The following SEPTIN9 variants were observed in gnomAD, a reference collection of about 807,000 sequenced individuals.
SEPTIN9 encodes septin-9.
Under a neutral mutation model 56.6 loss-of-function variants are expected in SEPTIN9, and 13 were observed. The ratio of observed to expected loss-of-function variants is 0.23; its 90% CI spans 0.15 to 0.37. SEPTIN9 has a LOEUF of 0.37. Among genes scored for constraint, SEPTIN9 ranks in the 10% least tolerant of loss-of-function variants. The pLI is 1.00. For missense variants in SEPTIN9, 650 were observed against 823.1 expected, an observed-to-expected ratio of 0.79 and a Z score of 2.57; for synonymous variants, 332 against 334.1, an observed-to-expected ratio of 0.99 and a Z score of 0.07.
At chr17:77,478,369 C>A (rs2039309206) in intron 3 of SEPTIN9, among the ~76,000 whole-genome samples, 1 of 152,168 alleles carries the variant, frequency 6.6e-6, no homozygotes, top group South Asian at 2.1e-4. Context: ...CCCATAATTC[C>A]ACTTCTGGGT....
rs914824176 is a variant in SEPTIN9 at position 77,402,665 on chromosome 17, A to G, written c.683A>G (p.Gln228Arg). 3 of 1,609,006 alleles carry G rather than the reference A, an allele frequency of 1.9e-6. No individual in the cohort carries two copies. The highest frequency in any genetic ancestry group is 2.5e-6 in the Non-Finnish European group (3 of 1,177,370). The change falls in exon 3 of 12, where the codon CAG (glutamine) becomes CGG (arginine). Residue 228 changes from glutamine to arginine, a missense_variant. Gln to Arg is a conservative substitution (Grantham distance 43). Transcript: ENST00000427177. This position sits in a 1 kb window ranked among gnomAD's most constrained non-coding sequence, Gnocchi z 6.6. ...QLQSRLEPKP[Q>R]PPVAEATPRS... The stretch of plus-strand genomic sequence containing the variant: ...CAGAGCAGGCTGGAGCCCAAGCCCC[A>G]GCCCCCTGTGGCTGAGGCTACACCC...
intron 1 of SEPTIN9, among the ~76,000 whole-genome samples, chr17:77,283,167 T>TTG (rs2031113872): frequency 6.7e-6 from 1 of 150,246 alleles, no homozygotes; most frequent in African/African-American, 2.4e-5. Flanking sequence ...TTTCTTTTTT[T>TTG]TTTTTTTTTT....
intron 2 of SEPTIN9, among the ~76,000 whole-genome samples, chr17:77,385,691 G>A (rs1251248464): frequency 1.3e-5 from 2 of 152,256 alleles, no homozygotes; most frequent in Non-Finnish European, 2.9e-5. Flanking sequence ...CCTGAGGCCT[G>A]GGCTGGTTTT....
intron 2 of SEPTIN9, among the ~76,000 whole-genome samples, chr17:77,392,844 G>A (rs1023069172): frequency 1.3e-5 from 2 of 152,114 alleles, no homozygotes; most frequent in African/African-American, 2.4e-5. Flanking sequence ...CCTGGGGGCC[G>A]CCCTCCACTG....
chr17:77,295,585 G>C (rs2031773574), intron 1 of SEPTIN9, among the ~76,000 whole-genome samples: 1 of 152,192 alleles, frequency 6.6e-6, no homozygotes, highest in Non-Finnish European at 1.5e-5. Flanking sequence ...GGACACCTGA[G>C]CCAGCAGAGG....
rs749005551 is a variant in SEPTIN9, at chr17:77,433,945, C to T, written c.721+31242C>T. Among the ~76,000 whole-genome samples the T allele has an allele frequency of 1.3e-5, 2 of 152,180 alleles. No individual in the cohort carries two copies. The highest frequency in any genetic ancestry group is 4.8e-5 in the African/African-American group (2 of 41,436). ...GGGGAGCTTGCTGTGGGGCCTCCCC[C>T]GATCGGGGGACTTCCCAGCACAGAG... On this transcript the variant is annotated intron_variant, in intron 3 of 11. Transcript: ENST00000427177. The surrounding 1 kb of genome is among the most constrained non-coding windows in gnomAD (Gnocchi z 6.4).
intron 3 of SEPTIN9, among the ~76,000 whole-genome samples, chr17:77,471,782 A>C (rs1221298418): frequency 1.3e-5 from 2 of 152,218 alleles, no homozygotes; most frequent in Non-Finnish European, 2.9e-5. Context: ...CACTGTGGAC[A>C]TGGCTGGAGG....
At chr17:77,409,802 T>A (rs558767959) in intron 3 of SEPTIN9, among the ~76,000 whole-genome samples, 2 of 152,342 alleles carry the variant, frequency 1.3e-5, no homozygotes, top group East Asian at 3.9e-4. Flanking sequence ...ACAGCCATGC[T>A]CTGTGCGGTG....
At chr17:77,465,468 T>C (rs2144526106) in intron 3 of SEPTIN9, among the ~76,000 whole-genome samples, 1 of 152,306 alleles carries the variant, frequency 6.6e-6, no homozygotes, top group Admixed American at 6.5e-5. Flanking sequence ...CGAGTCCGTG[T>C]CGCAGCCATT....
chr17:77,292,162 C>T (rs1219501353), intron 1 of SEPTIN9, among the ~76,000 whole-genome samples: 1 of 152,172 alleles, frequency 6.6e-6, no homozygotes, highest in Non-Finnish European at 1.5e-5. Flanking sequence ...CTCTCCTGGC[C>T]GTCACTCACC....
intron 2 of SEPTIN9, among the ~76,000 whole-genome samples, chr17:77,391,649 G>C (rs1157236640): frequency 1.3e-5 from 2 of 152,174 alleles, no homozygotes; most frequent in African/African-American, 4.8e-5. Context: ...GGACACTGTT[G>C]AACCCACTAC....
At chr17:77,427,176 G>C (rs1284063430) in intron 3 of SEPTIN9, 2 of 152,316 alleles carry the variant, frequency 1.3e-5, no homozygotes, top group African/African-American at 4.8e-5. Context: ...AGAGGCCGGA[G>C]GTGGGAGACA....
chr17:77,454,344 C>A, intron 3 of SEPTIN9: 1 of 985,514 alleles, frequency 1.0e-6, no homozygotes. Flanking sequence ...TTATTGAGTG[C>A]CAGCCCGGTT....
chr17:77,331,930 A>G (rs950784705), intron 2 of SEPTIN9, among the ~76,000 whole-genome samples: 7 of 152,156 alleles, frequency 4.6e-5, no homozygotes, highest in Non-Finnish European at 1.0e-4. Flanking sequence ...ATAGGTTTCA[A>G]TCTTTTTTAC....
chr17:77,293,135 GC>G (rs1181654246), intron 1 of SEPTIN9, among the ~76,000 whole-genome samples: 1 of 152,006 alleles, frequency 6.6e-6, no homozygotes, highest in African/African-American at 2.4e-5. Flanking sequence ...TCCCTTCTCA[GC>G]CTCCCAAGTA....
intron 2 of SEPTIN9, among the ~76,000 whole-genome samples, chr17:77,386,518 G>C (rs1244613800): frequency 5.3e-5 from 8 of 152,318 alleles, no homozygotes; most frequent in Middle Eastern, 3.4e-3. Context: ...GGGGGTGGGG[G>C]TACCTTGCTC....
intron 10 of SEPTIN9, among the ~76,000 whole-genome samples, chr17:77,493,638 C>G (rs1223279024): frequency 6.6e-6 from 1 of 152,178 alleles, no homozygotes; most frequent in Admixed American, 6.5e-5. Context: ...CCAGCCTCAT[C>G]CATGCCTTCC....
intron 3 of SEPTIN9, among the ~76,000 whole-genome samples, chr17:77,408,305 TGGTTCTG>T (rs1305882855): frequency 2.0e-5 from 3 of 152,128 alleles, no homozygotes; most frequent in Admixed American, 1.3e-4. Context: ...GAGTCCACAG[TGGTTCTG>T]GGGCCACTTG....
At chr17:77,292,534 C>T (rs1309434185) in intron 1 of SEPTIN9, among the ~76,000 whole-genome samples, 1 of 151,674 alleles carries the variant, frequency 6.6e-6, no homozygotes, top group East Asian at 1.9e-4. Context: ...CGCTCTGTCG[C>T]CCAGGCTGGA....
Sources: gnomAD v4.1 joint callset for allele counts (sites outside exome capture counted in the v4.1 genomes callset) on GRCh38, gnomAD v4.1.1 for gene constraint, Gnocchi (gnomAD v3.1) non-coding constraint, MANE v1.5 for transcripts, NCBI Gene and HGNC (gene_info 2026-07-23, HGNC 2026-07-21) for gene names.